The following PIWIL1 variants were observed in gnomAD, a reference collection of about 807,000 sequenced individuals.
PIWIL1 encodes the protein piwi like RNA-mediated gene silencing 1.
PIWIL1 carries 73 observed loss-of-function variants against 114.4 expected under a neutral mutation model. The ratio of observed to expected loss-of-function variants is 0.64; its 90% CI spans 0.53 to 0.78. The LOEUF is 0.78. Among genes scored for constraint, PIWIL1 ranks in the 30% least tolerant of loss-of-function variants. PIWIL1 has a pLI of 0.00. For synonymous variants in PIWIL1, 375 were observed against 369.0 expected (o/e 1.02, Z -0.19); for missense variants, 723 against 1,063.1 (o/e 0.68, Z 4.45).
At chr12:130,373,316 A>T (rs1168538776), downstream of PIWIL1, among the ~76,000 whole-genome samples, 1 of 150,818 alleles carries the variant, frequency 6.6e-6, no homozygotes, top group Non-Finnish European at 1.5e-5. Flanking sequence ...GTGGCTAGTC[A>T]GTTAGTTAAG....
chr12:130,349,668 G>T (rs1010967394), intron 8 of PIWIL1, among the ~76,000 whole-genome samples, 188 bp from the exon 9 acceptor site: 1 of 152,166 alleles, frequency 6.6e-6, no homozygotes, highest in Non-Finnish European at 1.5e-5. Flanking sequence ...TTTATTTTCT[G>T]TAAGTAATTT....
chr12:130,392,199 G>GAATATT, the PIWIL1 span, among the ~76,000 whole-genome samples: 4 of 92,224 alleles, frequency 4.3e-5, no homozygotes, highest in Non-Finnish European at 5.0e-5. Context: ...GTCATCACGT[G>GAATATT]GATGCATCAG....
the PIWIL1 span, chr12:130,407,934 G>T: frequency 9.9e-7 from 1 of 1,012,212 alleles, no homozygotes; most frequent in Non-Finnish European, 1.6e-6. Context: ...CCGAGACCTG[G>T]CACTGCTAAC....
chr12:130,418,177 C>A, the PIWIL1 span, among the ~76,000 whole-genome samples: 1 of 152,204 alleles, frequency 6.6e-6, no homozygotes, highest in Non-Finnish European at 1.5e-5. Flanking sequence ...TTTTAAAATG[C>A]AATGAATTGT....
At chr12:130,367,897 A>G (rs369829567) in intron 19 of PIWIL1, among the ~76,000 whole-genome samples, 27 of 152,284 alleles carry the variant, frequency 1.8e-4, no homozygotes, top group African/African-American at 6.0e-4. Context: ...TCCTGCGTTC[A>G]AGGAATTCTC....
chr12:130,416,055 A>G, the PIWIL1 span, among the ~76,000 whole-genome samples: 1 of 152,206 alleles, frequency 6.6e-6, no homozygotes, highest in Non-Finnish European at 1.5e-5. Flanking sequence ...TACAAGGAGA[A>G]CGACAGAACA....
chr12:130,346,645 G>C, intron 5 of PIWIL1, 61 bp downstream of exon 5: 1 of 1,366,954 alleles, frequency 7.3e-7, no homozygotes, highest in Non-Finnish European at 1.0e-6. Flanking sequence ...CACAATGTAA[G>C]ATAGCTCACA....
In PIWIL1 at chr12:130,345,970, A is replaced by G. The variant is rs557322865; in HGVS notation, c.316+92A>G. 2.7e-5 allele frequency: 38 copies of G among 1,392,260 alleles called. No homozygotes were observed. In the South Asian group the frequency reaches 5.2e-4, roughly 19 times the overall value. 86.2% of individuals were successfully genotyped at this position (1,392,260 alleles called of 1,614,324 possible). On this transcript the variant is annotated intron_variant, in intron 4 of 20. Coordinates refer to ENST00000245255, the MANE Select transcript of PIWIL1 (RefSeq NM_004764.5). ...CTTTAGTTTAGGTGTTTATTTGGCCAAGGATCCTGCATGGCTTTTCGATTT... is the reference window on the plus strand; with the variant it reads ...CTTTAGTTTAGGTGTTTATTTGGCCGAGGATCCTGCATGGCTTTTCGATTT...
intron 19 of PIWIL1, among the ~76,000 whole-genome samples, chr12:130,367,907 C>A (rs779434046): frequency 2.2e-4 from 33 of 152,218 alleles, no homozygotes; most frequent in Non-Finnish European, 4.4e-4. Flanking sequence ...AAGGAATTCT[C>A]ATGCCGTAGC....
intron 6 of PIWIL1, 124 bp from the exon 7 acceptor site, chr12:130,347,979 G>C: frequency 1.7e-6 from 1 of 584,028 alleles, no homozygotes; most frequent in Non-Finnish European, 3.0e-6. Flanking sequence ...AAAACAGCAG[G>C]TAGGTTGGAT....
intron 9 of PIWIL1, among the ~76,000 whole-genome samples, chr12:130,354,295 A>G (rs576448675): frequency 6.6e-6 from 1 of 152,310 alleles, no homozygotes; most frequent in East Asian, 1.9e-4. Context: ...TCAGAACCAT[A>G]CTGTCCTGGA....
the PIWIL1 span, among the ~76,000 whole-genome samples, chr12:130,390,962 C>T: frequency 6.6e-6 from 1 of 152,206 alleles, no homozygotes; most frequent in East Asian, 1.9e-4. Context: ...CTGCCTTCCC[C>T]ACATAGTTCT....
chr12:130,347,673 G>A (rs913108016), intron 6 of PIWIL1, among the ~76,000 whole-genome samples: 2 of 152,136 alleles, frequency 1.3e-5, no homozygotes, highest in Admixed American at 6.5e-5. Flanking sequence ...AATGTAACTG[G>A]TAAATTGATT....
At chr12:130,399,663 A>C in the PIWIL1 span, 1 of 1,613,880 alleles carries the variant, frequency 6.2e-7, no homozygotes, top group Non-Finnish European at 8.5e-7. Flanking sequence ...TAAAAAGGCT[A>C]AATAGGTTTG....
rs532591661 is a variant in PIWIL1 at position 130,337,989 on chromosome 12, G to C, written c.-170G>C. On this transcript the variant is annotated 5_prime_UTR_variant, in exon 1 of 21. Coordinates refer to ENST00000245255, the MANE Select transcript of PIWIL1 (RefSeq NM_004764.5). ...GTTGCTCGCTGCCCGCGTGTCCCTGGCTCTCTCGGGAACCCAGCGCCGAAG... is the reference window on the plus strand; with the variant it reads ...GTTGCTCGCTGCCCGCGTGTCCCTGCCTCTCTCGGGAACCCAGCGCCGAAG... 3.9e-4 allele frequency: 66 copies of C among 167,908 alleles called. 1 individual carries two copies. The South Asian group carries it at 8.7e-3, about 22-fold the overall frequency. 10.4% of individuals were successfully genotyped at this position (167,908 alleles called of 1,614,324 possible).
Position 130,356,949 on chromosome 12 carries a change from C to G in PIWIL1, c.1436C>G (p.Ser479Cys), listed in dbSNP as rs1417096071. Residue 479 changes from serine (S) to cysteine (C), a missense_variant, in exon 13 of 21, where the codon TCC becomes TGC. By Grantham distance (112) the Ser-to-Cys change is moderately radical. Around this residue, in one of 8 missense-constraint regions of PIWIL1, gnomAD observed 298 missense variants for 420.8 expected, o/e 0.71. Coordinates refer to ENST00000245255, the MANE Select transcript of PIWIL1 (RefSeq NM_004764.5). ...FDYNPQFADW[S>C]KETRGAPLIS... ...TACAATCCACAATTTGCAGATTGGT[C>G]CAAAGAAACAAGAGGTGCACCATTA... is the stretch of plus-strand genomic sequence containing the variant. 3 of 1,610,872 alleles carry G rather than the reference C, an allele frequency of 1.9e-6. No individual in the cohort carries two copies. The highest frequency in any genetic ancestry group is 1.7e-6 in the Non-Finnish European group (2 of 1,177,982).
chr12:130,407,734 C>G, the PIWIL1 span: 1 of 1,613,534 alleles, frequency 6.2e-7, no homozygotes, highest in South Asian at 1.1e-5. Context: ...ACCTCGACAT[C>G]GACGTTGGGC....
intron 1 of PIWIL1, among the ~76,000 whole-genome samples, chr12:130,338,825 G>A (rs2072801920): frequency 8.8e-6 from 1 of 113,516 alleles, no homozygotes; most frequent in African/African-American, 3.4e-5. Context: ...AAGCGCTGAG[G>A]CCCGACTTGC....
downstream of PIWIL1, among the ~76,000 whole-genome samples, chr12:130,373,574 A>C (rs1335909527): frequency 6.6e-6 from 1 of 152,160 alleles, no homozygotes; most frequent in Non-Finnish European, 1.5e-5. Context: ...AAATTTACTA[A>C]TCTGTTAGAC....
Sources: gnomAD v4.1 joint callset for allele counts (sites outside exome capture counted in the v4.1 genomes callset) on GRCh38, gnomAD v4.1.1 for gene constraint, gnomAD v4.1.1 regional missense constraint, MANE v1.5 for transcripts, NCBI Gene and HGNC (gene_info 2026-07-23, HGNC 2026-07-21) for gene names.